TMEM17: variants seen among roughly 807,000 people sequenced by gnomAD.
TMEM17 encodes transmembrane protein 17.
Under a neutral mutation model 19.1 loss-of-function variants are expected in TMEM17, and 15 were observed. The ratio of observed to expected loss-of-function variants is 0.78; its 90% confidence interval spans 0.52 to 1.21. TMEM17 has a LOEUF of 1.21. Among genes scored for constraint, TMEM17 ranks in the 50% most tolerant of loss-of-function variants. The probability of loss-of-function intolerance (pLI) is 0.00; values close to 1 mark genes in which losing one functional copy is unlikely to be tolerated. For missense variants in TMEM17, 245 were observed against 242.3 expected (o/e 1.01, Z -0.07); for synonymous variants, 103 against 86.9 (o/e 1.19, Z -1.03).
chr2:62,489,023 C>A, the TMEM17 span, among the ~76,000 whole-genome samples: 2 of 152,110 alleles, frequency 1.3e-5, no homozygotes, highest in South Asian at 2.1e-4. Context: ...CCAGGTGACT[C>A]AAGGTTGGCA....
chr2:62,470,940 T>G, the TMEM17 span, among the ~76,000 whole-genome samples: 1 of 152,162 alleles, frequency 6.6e-6, no homozygotes, highest in Non-Finnish European at 1.5e-5. Context: ...CAAAGCCTGT[T>G]TGCAAACAGT....
downstream of TMEM17, among the ~76,000 whole-genome samples, chr2:62,495,574 A>G (rs896109208): frequency 6.6e-6 from 1 of 152,232 alleles, no homozygotes; most frequent in Admixed American, 6.5e-5. Flanking sequence ...CTTATAAAAT[A>G]CAGTAGTTCA....
the TMEM17 span, among the ~76,000 whole-genome samples, chr2:62,462,040 G>T: frequency 6.6e-6 from 1 of 152,380 alleles, no homozygotes; most frequent in East Asian, 1.9e-4. Flanking sequence ...GAAGTCTGCA[G>T]CTGGCCCCTG....
chr2:62,458,142 C>T, the TMEM17 span, among the ~76,000 whole-genome samples: 3 of 152,214 alleles, frequency 2.0e-5, no homozygotes, highest in South Asian at 2.1e-4. Flanking sequence ...TGTGAGGAAT[C>T]ACTCAGCAAA....
the TMEM17 span, among the ~76,000 whole-genome samples, chr2:62,466,717 C>A: frequency 4.6e-5 from 7 of 152,292 alleles, no homozygotes; most frequent in African/African-American, 1.7e-4. Context: ...TGCAGCCTGG[C>A]AGGGCTTTGC....
Position 62,501,111 on chromosome 2 carries a change from A to G in TMEM17, c.*98T>C. On this transcript the variant is annotated 3_prime_UTR_variant, in exon 4 of 4. Transcript: ENST00000335390. ...TTCAGAGTGAGAGCATATACAATTC[A>G]AAACACTTGCTTTGTCCCTTTTCTC... 7.1e-7 allele frequency: 1 copy of G among 1,405,040 alleles called. No individual in the cohort carries two copies. The highest frequency in any genetic ancestry group is 9.7e-7 in the Non-Finnish European group (1 of 1,033,660). The allele number at this position is 1,405,040 out of a possible 1,614,324, so 87.0% of individuals were successfully genotyped here.
At chr2:62,455,321 A>G in the TMEM17 span, among the ~76,000 whole-genome samples, 1 of 152,228 alleles carries the variant, frequency 6.6e-6, no homozygotes, top group African/African-American at 2.4e-5. Flanking sequence ...TTGCTGAGTA[A>G]TATTCCACTG....
the TMEM17 span, among the ~76,000 whole-genome samples, chr2:62,487,938 G>A: frequency 4.6e-5 from 7 of 152,170 alleles, no homozygotes; most frequent in East Asian, 1.9e-4. Context: ...GAGGTGATCC[G>A]CCTGCCTTGG....
chr2:62,502,504 A>G lies in TMEM17; in HGVS notation c.251T>C (p.Ile84Thr). The G allele has an allele frequency of 1.9e-6, 3 of 1,613,236 alleles. No homozygotes were observed. Among genetic ancestry groups the G allele is most frequent in the South Asian group, 1.1e-5 (1 of 90,992 alleles). ...DYYKFIVITV[I>T]ILITLIEAIR... ...GGCTTCAATTAAGGTTATTAGGATG[A>G]TAACAGTGATCACAATGAATTTGTA... The change falls in exon 3 of 4, where the codon ATC (isoleucine) becomes ACC (threonine). Residue 84 changes from isoleucine (I) to threonine (T), a missense_variant. Ile to Thr is a moderately conservative substitution (Grantham distance 89, BLOSUM62 -1). Coordinates refer to ENST00000335390, the MANE Select transcript of TMEM17 (RefSeq NM_198276.3).
chr2:62,474,591 T>C, the TMEM17 span, among the ~76,000 whole-genome samples: 1 of 152,154 alleles, frequency 6.6e-6, no homozygotes, highest in Non-Finnish European at 1.5e-5. Context: ...TGGCAGCTAC[T>C]GGGGAATACA....
chr2:62,479,528 T>C, the TMEM17 span, among the ~76,000 whole-genome samples: 1 of 152,176 alleles, frequency 6.6e-6, no homozygotes, highest in Non-Finnish European at 1.5e-5. Context: ...TTGTGAATAG[T>C]GCTGCAATAA....
chr2:62,453,805 C>G, the TMEM17 span, among the ~76,000 whole-genome samples: 1 of 152,180 alleles, frequency 6.6e-6, no homozygotes, highest in Admixed American at 6.5e-5. Context: ...TTCTCACCCA[C>G]GGTTTGCTTG....
rs769099256 is a variant in TMEM17, at chr2:62,506,162, C to T, written c.-33G>A. 6.4e-7 allele frequency: 1 copy of T among 1,569,204 alleles called. No individual in the cohort carries two copies. The highest frequency in any genetic ancestry group is 8.6e-7 in the Non-Finnish European group (1 of 1,156,840). ...CCTCAGTATCCCTCACCCCCTCAGA[C>T]ACGGGCTAGTCTGCGGGCGCTCCGA... On this transcript the variant is annotated 5_prime_UTR_variant, in exon 1 of 4. Coordinates refer to ENST00000335390, the MANE Select transcript of TMEM17 (RefSeq NM_198276.3).
At chr2:62,467,216 C>T in the TMEM17 span, among the ~76,000 whole-genome samples, 2 of 152,030 alleles carry the variant, frequency 1.3e-5, no homozygotes, top group African/African-American at 4.8e-5. Context: ...GCCTCCCCAC[C>T]CCTGCACCTG....
the TMEM17 span, among the ~76,000 whole-genome samples, chr2:62,484,154 G>A: frequency 6.6e-6 from 1 of 152,146 alleles, no homozygotes; most frequent in Non-Finnish European, 1.5e-5. Flanking sequence ...CAATGATTTG[G>A]TTGGTGTCTT....
rs1241320368 is a variant in TMEM17 at position 62,506,119 on chromosome 2, G to C, written c.11C>G (p.Pro4Arg). The C allele has an allele frequency of 1.2e-6, 2 of 1,609,748 alleles. No individual in the cohort carries two copies. The highest frequency in any genetic ancestry group is 1.1e-5 in the South Asian group (1 of 90,238). The change falls in exon 1 of 4, where the codon CCG (proline) becomes CGG (arginine). Residue 4 changes from proline (P) to arginine (R), a missense_variant. Transcript: ENST00000335390. ...TCCCAGCCGCTGGCGCACCGGATCCGGCAGCTCCATGCCTGGGCCTCAGTA... is the reference window on the plus strand; with the variant it reads ...TCCCAGCCGCTGGCGCACCGGATCCCGCAGCTCCATGCCTGGGCCTCAGTA... MEL[P>R]DPVRQRLGNF...
Position 62,501,004 on chromosome 2 carries a change from G to T in TMEM17, c.*205C>A. On this transcript the variant is annotated 3_prime_UTR_variant, in exon 4 of 4. Transcript: ENST00000335390. ...AAAAAAATTAAGAAATTTGGCATCA[G>T]GTGGACAACATCTAGGTTTTAGGGT... 1 of 442,340 alleles carries T rather than the reference G, an allele frequency of 2.3e-6. No homozygotes were observed. Among genetic ancestry groups the T allele is most frequent in the Non-Finnish European group, 3.8e-6 (1 of 261,428 alleles). 27.4% of individuals were successfully genotyped at this position (442,340 alleles called of 1,614,324 possible).
chr2:62,505,098 G>C (rs1191480532), intron 1 of TMEM17, among the ~76,000 whole-genome samples: 1 of 152,100 alleles, frequency 6.6e-6, no homozygotes, highest in Non-Finnish European at 1.5e-5. Flanking sequence ...AGTGATCAAG[G>C]TGACAAAATG....
At chr2:62,462,308 G>A in the TMEM17 span, among the ~76,000 whole-genome samples, 1 of 152,054 alleles carries the variant, frequency 6.6e-6, no homozygotes, top group Non-Finnish European at 1.5e-5. Flanking sequence ...GAACATGTTT[G>A]AGCACAGGAA....
Sources: gnomAD v4.1 joint callset for allele counts (sites outside exome capture counted in the v4.1 genomes callset) on GRCh38, gnomAD v4.1.1 for gene constraint, MANE v1.5 for transcripts, NCBI Gene and HGNC (gene_info 2026-07-23, HGNC 2026-07-21) for gene names.